The following TSHZ3 variants were observed in gnomAD, a reference collection of about 807,000 sequenced individuals.
TSHZ3 encodes teashirt zinc finger homeobox 3, also known as teashirt homolog 3.
TSHZ3 carries 10 observed loss-of-function variants against 64.5 expected under a neutral mutation model. That is an observed-to-expected ratio of 0.16 (90% confidence interval 0.10 to 0.26). TSHZ3 has a LOEUF of 0.26. TSHZ3 is among the 10% of genes least tolerant of loss of function. The pLI is 1.00. For synonymous variants in TSHZ3, 608 were observed against 593.1 expected (o/e 1.03, Z -0.36); for missense variants, 1,242 against 1,421.7 (o/e 0.87, Z 2.03).
chr19:31,192,052 C>T lies in TSHZ3; in HGVS notation n.809+12904G>A, dbSNP rs377430220. ...TACTATTGGAATGTTCTTCATTATA[C>T]ATGAAGTACATGGTTTTAGTTCATG... On this transcript the variant is annotated intron_variant and non_coding_transcript_variant, in intron 5 of 6. Transcript: ENST00000651361. Among the ~76,000 whole-genome samples the T allele has an allele frequency of 9.9e-5, 15 of 152,152 alleles. No homozygotes were observed. The East Asian group carries it at 2.9e-3, about 29-fold the overall frequency.
At chr19:31,194,558 A>C (rs968258150) in intron 5 of TSHZ3, among the ~76,000 whole-genome samples, 6 of 152,204 alleles carry the variant, frequency 3.9e-5, no homozygotes, top group Non-Finnish European at 8.8e-5. Context: ...TCATTAGAAG[A>C]CTGAGACCCA....
intron 5 of TSHZ3, among the ~76,000 whole-genome samples, chr19:31,196,558 A>G (rs540503207): frequency 1.3e-5 from 2 of 152,108 alleles, no homozygotes; most frequent in Non-Finnish European, 2.9e-5. Flanking sequence ...ATGAAATCCA[A>G]CTATAGGTTT....
chr19:31,293,409 C>T (rs1599630697), intron 1 of TSHZ3, among the ~76,000 whole-genome samples: 1 of 152,186 alleles, frequency 6.6e-6, no homozygotes, highest in East Asian at 1.9e-4. Flanking sequence ...GTTTTATTGT[C>T]CACTGCCCCC....
At chr19:31,224,949 G>A (rs1490660875) in intron 4 of TSHZ3, among the ~76,000 whole-genome samples, 4 of 152,088 alleles carry the variant, frequency 2.6e-5, no homozygotes, top group East Asian at 1.9e-4. Context: ...TTTTATGTAC[G>A]GCCTAGAAGC....
chr19:31,220,907 C>T (rs1171534466), intron 4 of TSHZ3, among the ~76,000 whole-genome samples: 1 of 152,224 alleles, frequency 6.6e-6, no homozygotes, highest in East Asian at 1.9e-4. Flanking sequence ...ATGTGCACCA[C>T]TTCCTTTTGA....
chr19:31,185,563 A>C (rs1974793238), intron 5 of TSHZ3, among the ~76,000 whole-genome samples: 1 of 152,130 alleles, frequency 6.6e-6, no homozygotes, highest in African/African-American at 2.4e-5. Flanking sequence ...GGCATCTTTC[A>C]ATGGTAAGTC....
In TSHZ3 at chr19:31,277,511, G is replaced by A. The variant is rs371570207; in HGVS notation, c.2282C>T (p.Ala761Val). Reference sequence around the variant, plus strand: ...CAGGGGCGGCGGGGTGGCCACAGCAGCCTTCTCCGCCAGGCTGTTGCTCAT... The same window carrying A: ...CAGGGGCGGCGGGGTGGCCACAGCAACCTTCTCCGCCAGGCTGTTGCTCAT... ...FKMSNSLAEK[A>V]AVATPPPLQS... is the part of the protein sequence containing the mutation. The change falls in exon 2 of 2, where the codon GCT (alanine) becomes GTT (valine). Residue 761 changes from alanine (A) to valine (V), a missense_variant. Ala to Val is a moderately conservative substitution (Grantham distance 64). This residue lies in a region of TSHZ3 where 550 missense variants were observed against 545.1 expected (regional missense o/e 1.01). Coordinates refer to ENST00000240587, the MANE Select transcript of TSHZ3 (RefSeq NM_020856.4). The surrounding 1 kb of genome is among the most constrained non-coding windows in gnomAD (Gnocchi z 4.5). 1 of 1,605,926 alleles carries A rather than the reference G, an allele frequency of 6.2e-7. No individual in the cohort carries two copies. The highest frequency in any genetic ancestry group is 8.5e-7 in the Non-Finnish European group (1 of 1,174,872).
At position 31,336,162 on chromosome 19, in the gene TSHZ3, A is replaced by T. The variant is rs1917236503; in HGVS notation, c.40+13018T>A. On this transcript the variant is annotated intron_variant, in intron 1 of 1. Coordinates refer to ENST00000240587, the MANE Select transcript of TSHZ3 (RefSeq NM_020856.4). ...GTAGATCTGTTTCAGGGTTTGCAGC[A>T]TATTTCACTGAAAAGCAACTCCAGA... Among the ~76,000 whole-genome samples, 7 of 152,178 alleles carry T rather than the reference A, an allele frequency of 4.6e-5. No individual in the cohort carries two copies. The South Asian group carries it at 1.5e-3, about 32-fold the overall frequency.
intron 1 of TSHZ3, among the ~76,000 whole-genome samples, chr19:31,282,492 A>C (rs1001469955): frequency 6.6e-6 from 1 of 152,144 alleles, no homozygotes; most frequent in South Asian, 2.1e-4. Context: ...AGGGAAACCC[A>C]GGGGCTCTGC....
At chr19:31,294,864 A>C (rs558771747) in intron 1 of TSHZ3, among the ~76,000 whole-genome samples, 67 of 152,332 alleles carry the variant, frequency 4.4e-4, no homozygotes, top group African/African-American at 1.4e-3. Flanking sequence ...GAAAAGAAAC[A>C]ATATAATAAT....
At chr19:31,195,497 T>C (rs1286078748) in intron 5 of TSHZ3, 4 of 152,022 alleles carry the variant, frequency 2.6e-5, no homozygotes, top group Non-Finnish European at 4.4e-5. Context: ...CCCTGCAAAA[T>C]TGCTTTTCAA....
chr19:31,211,646 G>A (rs921434631), intron 4 of TSHZ3, among the ~76,000 whole-genome samples: 1 of 152,200 alleles, frequency 6.6e-6, no homozygotes, highest in African/African-American at 2.4e-5. Flanking sequence ...GACAGCCATG[G>A]GCAAATGGCA....
chr19:31,267,028 G>A (rs1260268999), intron 1 of TSHZ3, among the ~76,000 whole-genome samples: 1 of 152,178 alleles, frequency 6.6e-6, no homozygotes, highest in Admixed American at 6.5e-5. Context: ...ATTTCACTTT[G>A]TTTTCTGCCC....
rs1974495139 is a variant in TSHZ3 at position 31,168,841 on chromosome 19, G to A, written n.810-12424C>T. On this transcript the variant is annotated intron_variant and non_coding_transcript_variant, in intron 5 of 6. Transcript: ENST00000651361. Reference sequence around the variant, plus strand: ...CGTAGGACGTAGTCTGTGGCCTGCTGCATACTTGGATAGTGTGGGGTGTAT... The same window carrying A: ...CGTAGGACGTAGTCTGTGGCCTGCTACATACTTGGATAGTGTGGGGTGTAT... Among the ~76,000 whole-genome samples the A allele has an allele frequency of 2.6e-5, 4 of 152,012 alleles. No homozygotes were observed. In the South Asian group the frequency reaches 8.3e-4, roughly 32 times the overall value.
At chr19:31,250,615 A>ATT (rs201684921) in intron 1 of TSHZ3, among the ~76,000 whole-genome samples, 35 of 152,224 alleles carry the variant, frequency 2.3e-4, no homozygotes, top group African/African-American at 7.9e-4. Flanking sequence ...TACGCTAAGT[A>ATT]TTTTTTTTAT....
intron 5 of TSHZ3, among the ~76,000 whole-genome samples, chr19:31,160,259 C>A (rs1599553078): frequency 2.6e-5 from 4 of 152,308 alleles, no homozygotes; most frequent in Admixed American, 2.6e-4. Flanking sequence ...AGGCCTCCCT[C>A]TAGGTGGTGT....
chr19:31,203,831 C>T (rs950920157), intron 5 of TSHZ3, among the ~76,000 whole-genome samples: 1 of 151,876 alleles, frequency 6.6e-6, no homozygotes, highest in African/African-American at 2.4e-5. Context: ...TCTCCCCTCT[C>T]TTCTCTCCTT....
chr19:31,253,666 A>G (rs1375902038), intron 1 of TSHZ3, among the ~76,000 whole-genome samples: 1 of 152,134 alleles, frequency 6.6e-6, no homozygotes, highest in East Asian at 1.9e-4. Flanking sequence ...CCAGCTGCAA[A>G]ATGATCATAT....
intron 4 of TSHZ3, among the ~76,000 whole-genome samples, chr19:31,210,505 G>C (rs566985490): frequency 2.0e-4 from 31 of 152,222 alleles, no homozygotes; most frequent in Non-Finnish European, 3.8e-4. Flanking sequence ...CTGTGTCTCG[G>C]GCCTCAGGCT....
Sources: gnomAD v4.1 joint callset for allele counts (sites outside exome capture counted in the v4.1 genomes callset) on GRCh38, gnomAD v4.1.1 for gene constraint, gnomAD v4.1.1 regional missense constraint, Gnocchi (gnomAD v3.1) non-coding constraint, MANE v1.5 for transcripts, NCBI Gene and HGNC (gene_info 2026-07-23, HGNC 2026-07-21) for gene names.